The following PLS3 variants were observed in gnomAD, a reference collection of about 807,000 sequenced individuals.
The protein encoded by PLS3 is plastin 3.
In PLS3, 11 loss-of-function variants were observed where a neutral mutation model predicts 46.5. The ratio of observed to expected loss-of-function variants is 0.24; its 90% CI spans 0.15 to 0.39. The LOEUF is 0.39. PLS3 is among the 10% of genes least tolerant of loss of function. PLS3 has a pLI of 1.00. For synonymous variants in PLS3, 167 were observed against 162.2 expected (o/e 1.03, Z -0.22); for missense variants, 308 against 461.8 (o/e 0.67, Z 3.05).
At chrX:115,627,776 A>C (rs2074725414) in intron 3 of PLS3, among the ~76,000 whole-genome samples, 3 of 111,748 alleles carry the variant, frequency 2.7e-5, no homozygotes, top group Admixed American at 9.6e-5. Flanking sequence ...ACAGACATTT[A>C]TTCTAAAATT....
At chrX:115,608,796 A>C (rs782439818) in intron 1 of PLS3, among the ~76,000 whole-genome samples, 1 of 111,070 alleles carries the variant, frequency 9.0e-6, no homozygotes, top group Non-Finnish European at 1.9e-5. Context: ...GTGTACGTGC[A>C]CTCTTTGATG....
intron 1 of PLS3, among the ~76,000 whole-genome samples, chrX:115,595,322 G>GAAAAC (rs1303975425): frequency 1.8e-5 from 2 of 111,616 alleles, no homozygotes; most frequent in South Asian, 3.8e-4. Context: ...TATTGGTACT[G>GAAAAC]AAAACAAAAC....
intron 2 of PLS3, chrX:115,610,797 C>T: frequency 1.1e-6 from 1 of 892,503 alleles, no homozygotes. Context: ...CCTTTGGTTA[C>T]TGCAGATCGT....
At position 115,646,408 on chromosome X, in the gene PLS3, A is replaced by G; in HGVS notation, c.1384A>G (p.Asn462Asp). 2 of 1,209,922 alleles carry G rather than the reference A, an allele frequency of 1.7e-6. No homozygotes were observed. The highest frequency in any genetic ancestry group is 2.2e-6 in the Non-Finnish European group (2 of 894,276). ...KLGANMKKLE[N>D]CNYAVELGKH... ...TACTCTTGTGCCTTTGCAGCTAGAA[A>G]ACTGCAACTATGCTGTTGAATTAGG... The change falls in exon 13 of 16, where the codon AAC (asparagine) becomes GAC (aspartate). Residue 462 changes from asparagine (N) to aspartate (D), a missense_variant. Coordinates refer to ENST00000355899, the MANE Select transcript of PLS3 (RefSeq NM_005032.7).
chrX:115,613,464 A>T (rs909837007), intron 2 of PLS3, among the ~76,000 whole-genome samples: 1 of 112,141 alleles, frequency 8.9e-6, no homozygotes, highest in African/African-American at 3.2e-5. Context: ...TCAGTATTCA[A>T]TAAAAGAACA....
intron 7 of PLS3, among the ~76,000 whole-genome samples, chrX:115,636,205 CT>C (rs1403487429): frequency 2.9e-3 from 244 of 84,143 alleles, no homozygotes; most frequent in Middle Eastern, 0.013. Context: ...AAATCCCTGA[CT>C]TTTTTTTTTT....
intron 1 of PLS3, among the ~76,000 whole-genome samples, chrX:115,561,653 A>G (rs1409040433): frequency 9.0e-6 from 1 of 111,067 alleles, no homozygotes; most frequent in Non-Finnish European, 1.9e-5. Context: ...GGAGCGCACA[A>G]CTTCCCTCTG....
At chrX:115,602,046 G>A (rs1312694521) in intron 1 of PLS3, among the ~76,000 whole-genome samples, 7 of 111,677 alleles carry the variant, frequency 6.3e-5, no homozygotes, top group African/African-American at 2.3e-4. Context: ...CTCTGAGAAT[G>A]CCCTTACTGG....
At chrX:115,600,559 T>G (rs890340952) in intron 1 of PLS3, among the ~76,000 whole-genome samples, 2 of 111,736 alleles carry the variant, frequency 1.8e-5, no homozygotes, top group African/African-American at 6.5e-5. Context: ...ATTACACAAG[T>G]TTTTGTGTGC....
At chrX:115,579,428 A>T (rs1335791514) in intron 1 of PLS3, among the ~76,000 whole-genome samples, 2 of 112,019 alleles carry the variant, frequency 1.8e-5, no homozygotes, top group Non-Finnish European at 3.8e-5. Context: ...GGAAGAGTGC[A>T]AATGCTGAGT....
chrX:115,637,111 A>G (rs781794528), intron 8 of PLS3, 133 bp downstream of exon 8: 2 of 601,230 alleles, frequency 3.3e-6, no homozygotes, highest in Non-Finnish European at 5.1e-6. Context: ...GGTAGATTTT[A>G]GAAGAGTAAT....
At chrX:115,572,848 A>G (rs1173642590) in intron 1 of PLS3, among the ~76,000 whole-genome samples, 7 of 111,060 alleles carry the variant, frequency 6.3e-5, no homozygotes, top group African/African-American at 2.3e-4. Flanking sequence ...AATCCCAGCA[A>G]TTAGGGAGGC....
At position 115,611,477 on chromosome X, in the gene PLS3, T is replaced by C. The variant is rs1041650378; in HGVS notation, c.73+1154T>C. Among the ~76,000 whole-genome samples, 24 of 112,501 alleles carry C rather than the reference T, an allele frequency of 2.1e-4. 1 individual carries two copies. Among genetic ancestry groups the C allele is most frequent in the African/African-American group, 2.2e-4 (7 of 31,118 alleles). ...TCTTGGCTGCAAGAGTTTTTTTTTTTCAAAATGACTCTCATTCAGTCAAAA... is the reference window on the plus strand; with the variant it reads ...TCTTGGCTGCAAGAGTTTTTTTTTTCCAAAATGACTCTCATTCAGTCAAAA... On this transcript the variant is annotated intron_variant, in intron 2 of 15. Coordinates refer to ENST00000355899, the MANE Select transcript of PLS3 (RefSeq NM_005032.7).
At position 115,649,738 on chromosome X, in the gene PLS3, A is replaced by G; in HGVS notation, c.*177A>G. On this transcript the variant is annotated 3_prime_UTR_variant, in exon 16 of 16. Coordinates refer to ENST00000355899, the MANE Select transcript of PLS3 (RefSeq NM_005032.7). The stretch of plus-strand genomic sequence containing the variant: ...CAGGGGAAAGGGTTTAAGAAAAACA[A>G]CTCCTCTTTCCCATAGTCAGAGTTG... 8.3e-6 allele frequency: 3 copies of G among 360,215 alleles called. No homozygotes were observed. The highest frequency in any genetic ancestry group is 1.4e-5 in the Non-Finnish European group (3 of 210,388). 29.7% of individuals were successfully genotyped at this position (360,215 alleles called of 1,213,427 possible). A position where few individuals can be genotyped will look rare whatever the true frequency, so the allele number is the denominator to read the frequency against.
intron 1 of PLS3, among the ~76,000 whole-genome samples, chrX:115,571,436 C>T (rs1392097308): frequency 1.8e-5 from 2 of 108,758 alleles, no homozygotes; most frequent in African/African-American, 6.7e-5. Context: ...AAGAATCCCT[C>T]GAGTCTGGGA....
chrX:115,638,361 G>A (rs1363206232), intron 8 of PLS3, among the ~76,000 whole-genome samples: 4 of 111,539 alleles, frequency 3.6e-5, no homozygotes, highest in Admixed American at 1.9e-4. Context: ...TGCCCACCTC[G>A]GCTTCCCAAA....
intron 1 of PLS3, among the ~76,000 whole-genome samples, chrX:115,584,914 A>G (rs1442791415): frequency 8.9e-6 from 1 of 111,750 alleles, no homozygotes; most frequent in Non-Finnish European, 1.9e-5. Flanking sequence ...TGGAAAAATG[A>G]TGTGGTCATG....
Position 115,649,554 on chromosome X carries a change from G to T in PLS3, c.1886G>T (p.Arg629Ile). The stretch of plus-strand genomic sequence containing the variant: ...TGTTTGATGGGCAGGGGAATGAAGA[G>T]AGTGTAAAATAACCAATCTGAATAA... Reference protein sequence around the residue: ...FACLMGRGMKRV With the variant: ...FACLMGRGMKIV Residue 629 changes from arginine to isoleucine, a missense_variant, in exon 16 of 16, where the codon AGA becomes ATA. Physicochemically the swap from Arg to Ile is moderately conservative, Grantham distance 97. This residue lies in a region of PLS3 where 271 missense variants were observed against 435.7 expected (regional missense o/e 0.62). Transcript: ENST00000355899. 1 of 1,207,555 alleles carries T rather than the reference G, an allele frequency of 8.3e-7. No individual in the cohort carries two copies.
chrX:115,629,209 G>C lies in PLS3; in HGVS notation c.249G>C (p.Glu83Asp), dbSNP rs1556638885. The C allele has an allele frequency of 2.6e-6, 3 of 1,172,496 alleles. No individual in the cohort carries two copies. Among genetic ancestry groups the C allele is most frequent in the East Asian group, 6.0e-5 (2 of 33,331 alleles). The change falls in exon 4 of 16, where the codon GAG becomes GAC. Residue 83 changes from glutamate (E) to aspartate (D), a missense_variant. By Grantham distance (45) the Glu-to-Asp change is conservative. Around this residue, in one of 2 missense-constraint regions of PLS3, gnomAD observed 271 missense variants for 435.7 expected, o/e 0.62. Coordinates refer to ENST00000355899, the MANE Select transcript of PLS3 (RefSeq NM_005032.7). ...ACTTTAATTAATAGATTTTTCAAGA[G>C]GTAAAAAGTAGTGATATTGCCAAGA... ...SFDEFVYIFQ[E>D]VKSSDIAKTF...
Sources: gnomAD v4.1 joint callset for allele counts (sites outside exome capture counted in the v4.1 genomes callset) on GRCh38, gnomAD v4.1.1 for gene constraint, gnomAD v4.1.1 regional missense constraint, MANE v1.5 for transcripts, NCBI Gene and HGNC (gene_info 2026-07-23, HGNC 2026-07-21) for gene names.